Variants in SYNPR observed in about 807,000 individuals in gnomAD.
The protein encoded by SYNPR is synaptoporin.
Under a neutral mutation model 32.9 loss-of-function variants are expected in SYNPR, and 23 were observed. That is an observed-to-expected ratio of 0.70 (90% CI 0.50 to 0.99). The LOEUF (loss-of-function observed/expected upper bound fraction) is 0.99, where lower values mean the gene tolerates loss of function less well. Among genes scored for constraint, SYNPR ranks in the 50% least tolerant of loss-of-function variants. SYNPR has a pLI of 0.00. For synonymous variants in SYNPR, 146 were observed against 135.9 expected, an observed-to-expected ratio of 1.07 and a Z score of -0.52; for missense variants, 318 against 349.3, an observed-to-expected ratio of 0.91 and a Z score of 0.71.
intron 4 of SYNPR, among the ~76,000 whole-genome samples, chr3:63,571,830 C>A (rs1041479595): frequency 3.3e-5 from 5 of 152,086 alleles, no homozygotes; most frequent in African/African-American, 1.2e-4. Context: ...ACAAAGGTGA[C>A]CCCGCCTAGA....
intron 4 of SYNPR, among the ~76,000 whole-genome samples, chr3:63,608,104 T>C (rs1202476635): frequency 6.6e-6 from 1 of 152,060 alleles, no homozygotes; most frequent in African/African-American, 2.4e-5. Flanking sequence ...ATATAGTCAA[T>C]CTGAATTTTT....
chr3:63,562,143 T>C (rs541168674), intron 4 of SYNPR, among the ~76,000 whole-genome samples: 2 of 152,302 alleles, frequency 1.3e-5, no homozygotes, highest in Admixed American at 1.3e-4. Flanking sequence ...TTATATCATT[T>C]TGTCATGTTC....
chr3:63,203,051 CAT>C, the SYNPR span, among the ~76,000 whole-genome samples: 1 of 98,780 alleles, frequency 1.0e-5, no homozygotes, highest in East Asian at 2.7e-4. Context: ...AATATAAATA[CAT>C]ATATATATGT....
At chr3:63,462,820 G>A (rs1048989184) in intron 2 of SYNPR, among the ~76,000 whole-genome samples, 11 of 152,126 alleles carry the variant, frequency 7.2e-5, no homozygotes, top group African/African-American at 2.7e-4. Flanking sequence ...TCTCTGCTAA[G>A]GAAGTCAAAA....
the SYNPR span, among the ~76,000 whole-genome samples, chr3:63,222,997 C>G: frequency 6.6e-6 from 1 of 152,276 alleles, no homozygotes; most frequent in Non-Finnish European, 1.5e-5. Flanking sequence ...ATCAGGCACT[C>G]TCCCAGGCTG....
At chr3:63,208,233 C>T in the SYNPR span, among the ~76,000 whole-genome samples, 1 of 152,148 alleles carries the variant, frequency 6.6e-6, no homozygotes, top group African/African-American at 2.4e-5. Context: ...ATTAAAACTT[C>T]ATCAGCATAG....
chr3:63,566,207 A>T (rs1447044518), intron 4 of SYNPR, among the ~76,000 whole-genome samples: 1 of 152,160 alleles, frequency 6.6e-6, no homozygotes, highest in Non-Finnish European at 1.5e-5. Context: ...CACTAGTTTA[A>T]CTTTTACGGC....
At chr3:63,408,142 A>AAAAGAAAGAAAGAAAGAAAGAAAGAAAG (rs199743513) in intron 2 of SYNPR, among the ~76,000 whole-genome samples, 1 of 28,486 alleles carries the variant, frequency 3.5e-5, no homozygotes, top group Non-Finnish European at 5.9e-5. Flanking sequence ...TAGAAGAAAG[A>AAAAGAAAGAAAGAAAGAAAGAAAGAAAG]AAAGAAAGAA....
intron 2 of SYNPR, among the ~76,000 whole-genome samples, chr3:63,320,563 C>T (rs947496489): frequency 6.6e-5 from 10 of 152,136 alleles, no homozygotes; most frequent in Non-Finnish European, 1.5e-4. Flanking sequence ...AGGCAGGGAC[C>T]AGTTCTAGTT....
intron 1 of SYNPR, among the ~76,000 whole-genome samples, chr3:63,250,451 C>G (rs2086322403): frequency 6.6e-6 from 1 of 151,986 alleles, no homozygotes; most frequent in South Asian, 2.1e-4. Context: ...TGCTATATAC[C>G]AGGCACTTTT....
At position 63,488,560 on chromosome 3, in the gene SYNPR, AT is replaced by A. The variant is rs1424189572; in HGVS notation, c.209+7606del. Among the ~76,000 whole-genome samples, 10 of 152,282 alleles carry A rather than the reference AT, an allele frequency of 6.6e-5. No individual in the cohort carries two copies. The East Asian group carries it at 1.9e-3, about 29-fold the overall frequency. Reference sequence around the variant, plus strand: ...AACCTTATTGGGCCTCAGCTTCCTTATTATAAAAAGGCAGTAATACCAGTAC... The same window carrying A: ...AACCTTATTGGGCCTCAGCTTCCTTATATAAAAAGGCAGTAATACCAGTAC... On this transcript the variant is annotated intron_variant, in intron 3 of 5. Coordinates refer to ENST00000478300, the MANE Select transcript of SYNPR (RefSeq NM_001130003.2).
At position 63,609,320 on chromosome 3, in the gene SYNPR, A is replaced by C; in HGVS notation, c.600+4A>C. On this transcript the variant is annotated splice_donor_region_variant and intron_variant, in intron 5 of 5. Coordinates refer to ENST00000478300, the MANE Select transcript of SYNPR (RefSeq NM_001130003.2). ...GTCAAGCTTAAACACTTCTGTGGTA[A>C]GTATTTTTCATCTATGCTTTACTGT... The C allele has an allele frequency of 6.4e-7, 1 of 1,550,666 alleles. No individual in the cohort carries two copies. Among genetic ancestry groups the C allele is most frequent in the Non-Finnish European group, 8.7e-7 (1 of 1,146,390 alleles).
chr3:63,470,208 T>C (rs1395514058), intron 2 of SYNPR, among the ~76,000 whole-genome samples: 1 of 152,222 alleles, frequency 6.6e-6, no homozygotes, highest in Non-Finnish European at 1.5e-5. Flanking sequence ...GTAGAAATAT[T>C]TTCTTTTACA....
chr3:63,214,349 TG>T, the SYNPR span, among the ~76,000 whole-genome samples: 29 of 39,856 alleles, frequency 7.3e-4, 4 homozygotes, highest in South Asian at 0.021. Context: ...GGACTCTTTT[TG>T]GTTGGTAAAC....
chr3:63,377,627 G>GTT (rs140844448), intron 2 of SYNPR, among the ~76,000 whole-genome samples: 1 of 151,260 alleles, frequency 6.6e-6, no homozygotes, highest in Non-Finnish European at 1.5e-5. Flanking sequence ...ATACATCTTA[G>GTT]TTTTTTTTTA....
At chr3:63,360,862 C>T (rs2087649892) in intron 2 of SYNPR, among the ~76,000 whole-genome samples, 1 of 152,120 alleles carries the variant, frequency 6.6e-6, no homozygotes, top group African/African-American at 2.4e-5. Flanking sequence ...TTGTCCATAA[C>T]ACTTATTGCT....
intron 2 of SYNPR, among the ~76,000 whole-genome samples, chr3:63,376,817 T>C (rs1178971808): frequency 2.0e-5 from 3 of 152,130 alleles, no homozygotes; most frequent in East Asian, 1.9e-4. Context: ...TACTGTCTGA[T>C]ATTTTTTCTT....
intron 2 of SYNPR, among the ~76,000 whole-genome samples, chr3:63,368,710 G>A (rs1229538846): frequency 2.6e-5 from 4 of 152,146 alleles, no homozygotes; most frequent in Non-Finnish European, 5.9e-5. Context: ...GGTGTGCAGT[G>A]CTACAGACTG....
At chr3:63,269,796 C>A (rs1288105007) in intron 3 of SYNPR, among the ~76,000 whole-genome samples, 1 of 152,126 alleles carries the variant, frequency 6.6e-6, no homozygotes, top group African/African-American at 2.4e-5. Flanking sequence ...TAATATGTGC[C>A]AGACACTGAG....
Sources: allele counts gnomAD v4.1 joint callset (sites outside exome capture counted in the v4.1 genomes callset), GRCh38; gene constraint gnomAD v4.1.1; transcripts MANE v1.5; gene names NCBI Gene and HGNC (gene_info 2026-07-23, HGNC 2026-07-21).